Variants in RXFP1 observed in about 807,000 individuals in gnomAD.
RXFP1 encodes the protein relaxin family peptide receptor 1.
RXFP1 carries 73 observed loss-of-function variants against 89.8 expected under a neutral mutation model. That is an observed-to-expected ratio of 0.81 (90% CI 0.67 to 0.99). RXFP1 has a LOEUF of 0.99. Ranked by LOEUF, RXFP1 falls within the 50% of genes least tolerant of loss-of-function variation. The pLI is 0.00. For synonymous variants in RXFP1, 277 were observed against 305.5 expected (o/e 0.91, Z 0.97); for missense variants, 793 against 895.5 (o/e 0.89, Z 1.46).
chr4:158,556,310 A>G (rs1751294148), intron 1 of RXFP1, among the ~76,000 whole-genome samples: 1 of 152,138 alleles, frequency 6.6e-6, no homozygotes, highest in South Asian at 2.1e-4. Context: ...CAACAGATAT[A>G]TGAAAAAATA....
Position 158,606,757 on chromosome 4 carries a change from T to A in RXFP1, c.465-1215T>A, listed in dbSNP as rs564144930. ...TGCCACCACACCTGGCTCCTTTTTT[T>A]TTTTTTTTTAGAGAGATAGGATCTC... is the stretch of plus-strand genomic sequence containing the variant. On this transcript the variant is annotated intron_variant, in intron 5 of 17. Transcript: ENST00000307765. Among the ~76,000 whole-genome samples, 294 of 151,956 alleles carry A rather than the reference T, an allele frequency of 1.9e-3. 1 individual carries two copies. Among genetic ancestry groups the A allele is most frequent in the African/African-American group, 6.7e-3 (277 of 41,468 alleles).
chr4:158,527,959 A>G (rs142047152), intron 1 of RXFP1, among the ~76,000 whole-genome samples: 3 of 152,282 alleles, frequency 2.0e-5, no homozygotes, highest in Non-Finnish European at 4.4e-5. Flanking sequence ...GTAAAATATC[A>G]CTTGAAAATA....
intron 6 of RXFP1, among the ~76,000 whole-genome samples, chr4:158,611,874 C>T (rs758074376): frequency 8.5e-5 from 13 of 152,096 alleles, no homozygotes; most frequent in Non-Finnish European, 1.9e-4. Flanking sequence ...AGCACAGTGC[C>T]ATGGGGTAAG....
At chr4:158,546,384 T>A (rs960774711) in intron 1 of RXFP1, among the ~76,000 whole-genome samples, 1 of 152,222 alleles carries the variant, frequency 6.6e-6, no homozygotes, top group Non-Finnish European at 1.5e-5. Flanking sequence ...TATATAATCA[T>A]GTCATCTGCA....
intron 1 of RXFP1, chr4:158,543,662 CTCT>C: frequency 1.6e-6 from 1 of 637,938 alleles, no homozygotes; most frequent in South Asian, 7.0e-5. Context: ...TTCCCCACTT[CTCT>C]ATTCCATTTC....
intron 2 of RXFP1, among the ~76,000 whole-genome samples, chr4:158,579,413 G>A (rs757147943): frequency 1.3e-5 from 2 of 152,242 alleles, no homozygotes; most frequent in Admixed American, 6.5e-5. Context: ...AACTACAGGC[G>A]CATGCCACCA....
chr4:158,547,522 GTTATT>G, intron 1 of RXFP1, among the ~76,000 whole-genome samples: 1 of 151,932 alleles, frequency 6.6e-6, no homozygotes, highest in South Asian at 2.1e-4. Flanking sequence ...TGCTTTTCTA[GTTATT>G]TTAATTGTGA....
intron 1 of RXFP1, among the ~76,000 whole-genome samples, chr4:158,566,621 C>T (rs1042909350): frequency 2.0e-5 from 3 of 152,220 alleles, no homozygotes; most frequent in Admixed American, 6.5e-5. Context: ...ACCTCAACCT[C>T]CCAAAGTGCT....
rs1759885524 is a variant in RXFP1 at position 158,593,275 on chromosome 4, G to A, written c.188-126G>A. 2.6e-5 allele frequency: 12 copies of A among 469,128 alleles called. No individual in the cohort carries two copies. In the East Asian group the frequency reaches 4.0e-4, roughly 16 times the overall value. 29.1% of individuals were successfully genotyped at this position (469,128 alleles called of 1,614,324 possible). A position where few individuals can be genotyped will look rare whatever the true frequency, so the allele number is the denominator to read the frequency against. On this transcript the variant is annotated intron_variant, in intron 2 of 17. Coordinates refer to ENST00000307765, the MANE Select transcript of RXFP1 (RefSeq NM_021634.4). ...AATTCACGTTTATAGCAAGTTTCCA[G>A]ATAATGTTTATCTCGCTACATTTGG...
intron 3 of RXFP1, among the ~76,000 whole-genome samples, chr4:158,595,705 A>C (rs1157361481): frequency 6.6e-6 from 1 of 152,114 alleles, no homozygotes; most frequent in Non-Finnish European, 1.5e-5. Context: ...TTTTATCTTC[A>C]CTACTCAAAT....
At chr4:158,569,692 A>T (rs1052654485) in intron 1 of RXFP1, among the ~76,000 whole-genome samples, 11 of 152,304 alleles carry the variant, frequency 7.2e-5, no homozygotes, top group African/African-American at 2.6e-4. Context: ...AACAATTTTT[A>T]CTCCTTAAGT....
chr4:158,594,689 A>G (rs1760194490), intron 3 of RXFP1, among the ~76,000 whole-genome samples: 1 of 152,200 alleles, frequency 6.6e-6, no homozygotes, highest in African/African-American at 2.4e-5. Flanking sequence ...AGTAAAACCC[A>G]GTTGAATTTT....
intron 14 of RXFP1, among the ~76,000 whole-genome samples, chr4:158,641,646 G>C (rs1770399033): frequency 1.3e-5 from 2 of 152,148 alleles, no homozygotes; most frequent in African/African-American, 4.8e-5. Context: ...AGCTTGACAG[G>C]ACAAATTGTA....
chr4:158,629,712 G>A (rs999622207), intron 11 of RXFP1, among the ~76,000 whole-genome samples: 6 of 151,578 alleles, frequency 4.0e-5, no homozygotes, highest in Non-Finnish European at 7.4e-5. Context: ...CCGTAACCTC[G>A]AACTCCTTGG....
At chr4:158,577,392 T>A (rs1245468739) in intron 2 of RXFP1, among the ~76,000 whole-genome samples, 1 of 152,184 alleles carries the variant, frequency 6.6e-6, no homozygotes, top group Non-Finnish European at 1.5e-5. Context: ...CTAATTAAAT[T>A]AAGTCAGAAA....
chr4:158,592,431 A>T (rs903061359), intron 2 of RXFP1, among the ~76,000 whole-genome samples: 1 of 151,964 alleles, frequency 6.6e-6, no homozygotes, highest in Non-Finnish European at 1.5e-5. Context: ...AAAATTTGCT[A>T]GGCGTGGTGG....
At chr4:158,537,158 C>T (rs1745475392) in intron 1 of RXFP1, among the ~76,000 whole-genome samples, 2 of 151,988 alleles carry the variant, frequency 1.3e-5, no homozygotes, top group African/African-American at 4.8e-5. Flanking sequence ...TAAAATCCAA[C>T]CTCTCTTTAG....
intron 2 of RXFP1, among the ~76,000 whole-genome samples, chr4:158,583,366 ATTAGCGGTTCTCATT>A (rs980311421): frequency 6.6e-6 from 1 of 152,236 alleles, no homozygotes; most frequent in Non-Finnish European, 1.5e-5. Flanking sequence ...TGATGGAGAC[ATTAGCGGTTCTCATT>A]TTAGAATATT....
chr4:158,533,048 C>T (rs1006080001), intron 1 of RXFP1, among the ~76,000 whole-genome samples: 23 of 152,158 alleles, frequency 1.5e-4, no homozygotes, highest in African/African-American at 5.6e-4. Context: ...AAAACTGCTT[C>T]GAGGGCATCA....
Sources: gnomAD v4.1 joint callset for allele counts (sites outside exome capture counted in the v4.1 genomes callset) on GRCh38, gnomAD v4.1.1 for gene constraint, MANE v1.5 for transcripts, NCBI Gene and HGNC (gene_info 2026-07-23, HGNC 2026-07-21) for gene names.